Variants in NELL1 observed in about 807,000 individuals in gnomAD.
NELL1 encodes protein kinase C-binding protein NELL1.
NELL1 carries 76 observed loss-of-function variants against 107.4 expected under a neutral mutation model. The ratio of observed to expected loss-of-function variants is 0.71; its 90% CI spans 0.59 to 0.86. NELL1 has a LOEUF of 0.86. NELL1 is among the 40% of genes least tolerant of loss of function. The pLI, the probability that NELL1 is intolerant of heterozygous loss-of-function variation, is 0.00. For synonymous variants in NELL1, 353 were observed against 341.2 expected (o/e 1.03, Z -0.38); for missense variants, 1,024 against 1,005.5 (o/e 1.02, Z -0.25).
Position 21,088,059 on chromosome 11 carries a change from CTGTGTGTGTGTGTGTGTGTGTG to C in NELL1, c.1301-25504_1301-25483del, listed in dbSNP as rs56900585. ...TTGTTTTCTGTGAGTCCCAGTAGCT[CTGTGTGTGTGTGTGTGTGTGTG>C]TGTGTGTGTGTGTGTGTGTGTGTGT... On this transcript the variant is annotated intron_variant, in intron 12 of 19. Coordinates refer to ENST00000357134, the MANE Select transcript of NELL1 (RefSeq NM_006157.5). 1.0e-3 allele frequency among the ~76,000 whole-genome samples: 139 copies of C among 136,066 alleles called. 3 individuals are homozygous for C. In the East Asian group the frequency reaches 0.026, roughly 26 times the overall value. The allele number at this position is 136,066 out of a possible 152,430, so 89.3% of individuals were successfully genotyped here. A position where few individuals can be genotyped will look rare whatever the true frequency, so the allele number is the denominator to read the frequency against.
intron 15 of NELL1, among the ~76,000 whole-genome samples, chr11:21,372,902 G>A (rs899622823): frequency 2.6e-5 from 4 of 151,978 alleles, no homozygotes; most frequent in Non-Finnish European, 4.4e-5. Context: ...CTGAGTAAGT[G>A]GGTGATTGCA....
At chr11:20,712,243 T>C (rs1855132033) in intron 2 of NELL1, among the ~76,000 whole-genome samples, 1 of 152,158 alleles carries the variant, frequency 6.6e-6, no homozygotes, top group African/African-American at 2.4e-5. Context: ...TCTAGTCTAT[T>C]GTTGAAACTT....
chr11:21,551,465 A>G (rs1226183978), intron 16 of NELL1, among the ~76,000 whole-genome samples: 2 of 152,004 alleles, frequency 1.3e-5, no homozygotes, highest in Non-Finnish European at 2.9e-5. Flanking sequence ...TCAGTATGAT[A>G]TTGGCTGTAA....
intron 2 of NELL1, among the ~76,000 whole-genome samples, chr11:20,753,428 AT>A (rs11354182): frequency 0.75 from 113,680 of 152,014 alleles, 43,722 homozygotes; most frequent in Middle Eastern, 0.9. Context: ...CATATGTCAT[AT>A]TTTTTTTCCT....
chr11:20,815,158 G>A lies in NELL1; in HGVS notation c.335+31328G>A, dbSNP rs192434613. ...CCACTCACTGCAACCTCCACCTCCC[G>A]GGTTCAAGTGATTCTCCTGCCTCAG... On this transcript the variant is annotated intron_variant, in intron 3 of 19. Transcript: ENST00000357134. Among the ~76,000 whole-genome samples, 566 of 152,102 alleles carry A rather than the reference G, an allele frequency of 3.7e-3. 1 individual carries two copies. The highest frequency in any genetic ancestry group is 5.8e-3 in the Non-Finnish European group (395 of 67,980).
At chr11:21,273,707 G>A (rs977728999) in intron 14 of NELL1, among the ~76,000 whole-genome samples, 143 of 152,284 alleles carry the variant, frequency 9.4e-4, no homozygotes, top group African/African-American at 2.9e-3. Flanking sequence ...CTGATCTCTC[G>A]GCAGAAACTC....
At chr11:21,410,946 A>G (rs911681001) in intron 15 of NELL1, among the ~76,000 whole-genome samples, 6 of 152,062 alleles carry the variant, frequency 3.9e-5, no homozygotes, top group Non-Finnish European at 8.8e-5. Flanking sequence ...GATGGTTCAT[A>G]TGGTGATATC....
chr11:21,545,663 C>CT (rs11368926), intron 16 of NELL1, among the ~76,000 whole-genome samples: 57,516 of 151,690 alleles, frequency 0.38, 12,275 homozygotes, highest in Non-Finnish European at 0.49. Flanking sequence ...TTTTAAATGT[C>CT]TTTTTTCTTT....
intron 14 of NELL1, among the ~76,000 whole-genome samples, chr11:21,362,991 ACAGTTGGCGAGAC>A (rs1234354511): frequency 1.4e-5 from 2 of 147,486 alleles, no homozygotes; most frequent in Non-Finnish European, 3.0e-5. Flanking sequence ...CAGCTCCCAT[ACAGTTGGCGAGAC>A]CAGTCTCACT....
chr11:20,796,956 A>G (rs1204092208), intron 3 of NELL1, among the ~76,000 whole-genome samples: 6 of 152,214 alleles, frequency 3.9e-5, no homozygotes, highest in African/African-American at 1.4e-4. Flanking sequence ...GCATGAGCAA[A>G]GAGGTGAGAG....
At chr11:20,682,223 C>T (rs532489350) in intron 2 of NELL1, among the ~76,000 whole-genome samples, 5 of 151,836 alleles carry the variant, frequency 3.3e-5, no homozygotes, top group Admixed American at 2.0e-4. Flanking sequence ...ATGGTCCAAT[C>T]GAAATGTATT....
At chr11:21,368,758 A>C (rs1453586089) in intron 14 of NELL1, among the ~76,000 whole-genome samples, 4 of 152,100 alleles carry the variant, frequency 2.6e-5, no homozygotes, top group African/African-American at 9.7e-5. Flanking sequence ...TATCAGGTTT[A>C]TATTGTCTGG....
intron 4 of NELL1, among the ~76,000 whole-genome samples, chr11:20,884,449 G>A (rs938704002): frequency 9.9e-5 from 15 of 152,174 alleles, no homozygotes; most frequent in African/African-American, 3.6e-4. Flanking sequence ...CATAGTTCTC[G>A]TTTACAGATC....
At chr11:21,553,007 T>A in intron 16 of NELL1, among the ~76,000 whole-genome samples, 1 of 151,894 alleles carries the variant, frequency 6.6e-6, no homozygotes, top group Non-Finnish European at 1.5e-5. Flanking sequence ...CTGACCCTCC[T>A]TTGTTTACAT....
intron 13 of NELL1, among the ~76,000 whole-genome samples, chr11:21,138,439 C>T (rs1855792374): frequency 6.6e-6 from 1 of 152,176 alleles, no homozygotes; most frequent in African/African-American, 2.4e-5. Flanking sequence ...ATCTATCACT[C>T]AGAGACACGT....
chr11:21,299,170 T>C (rs1479512876), intron 14 of NELL1, among the ~76,000 whole-genome samples: 2 of 152,156 alleles, frequency 1.3e-5, no homozygotes, highest in Non-Finnish European at 1.5e-5. Flanking sequence ...TGCCTTGGGA[T>C]GCCAGGAGAC....
chr11:21,060,843 A>C (rs1357777816), intron 12 of NELL1, among the ~76,000 whole-genome samples: 1 of 152,162 alleles, frequency 6.6e-6, no homozygotes, highest in African/African-American at 2.4e-5. Flanking sequence ...CTGGGATTAC[A>C]GGCATGCTCA....
At chr11:21,563,203 T>C (rs1421394770) in intron 17 of NELL1, among the ~76,000 whole-genome samples, 1 of 152,076 alleles carries the variant, frequency 6.6e-6, no homozygotes, top group Admixed American at 6.6e-5. Flanking sequence ...TAGATACCCA[T>C]CTGTGGCTCT....
chr11:21,147,161 T>C (rs1357395702), intron 13 of NELL1, among the ~76,000 whole-genome samples: 3 of 152,296 alleles, frequency 2.0e-5, no homozygotes, highest in Middle Eastern at 3.4e-3. Flanking sequence ...AGAGTGATAG[T>C]AGTTCCGTGG....
Sources: allele counts gnomAD v4.1 joint callset (sites outside exome capture counted in the v4.1 genomes callset), GRCh38; gene constraint gnomAD v4.1.1; transcripts MANE v1.5; gene names NCBI Gene and HGNC (gene_info 2026-07-23, HGNC 2026-07-21).